Variants in CABIN1 observed in about 807,000 individuals in gnomAD.
CABIN1 encodes the protein calcineurin binding protein 1, also known as calcineurin-binding protein cabin-1.
Under a neutral mutation model 227.7 loss-of-function variants are expected in CABIN1, and 133 were observed. The ratio of observed to expected loss-of-function variants is 0.58; its 90% CI spans 0.51 to 0.67. The LOEUF is 0.67. CABIN1 is among the 30% of genes least tolerant of loss of function. The pLI is 0.00. For missense variants in CABIN1, 2,408 were observed against 2,852.5 expected, an observed-to-expected ratio of 0.84 and a Z score of 3.55; for synonymous variants, 1,086 against 1,155.1, an observed-to-expected ratio of 0.94 and a Z score of 1.21.
rs71226739 is a variant in CABIN1, at chr22:24,076,020, C to CAA, written c.2633-134_2633-133dup. ...TCAAGTCACTACTTATTTAAAAAGG[C>CAA]AAAAAAAAAAAAAAAAGGGAAAGGA... On this transcript the variant is annotated intron_variant, in intron 18 of 36. Transcript: ENST00000263119. 1.4e-3 allele frequency: 762 copies of CAA among 529,256 alleles called. 1 individual carries two copies. Among genetic ancestry groups the CAA allele is most frequent in the African/African-American group, 5.2e-3 (190 of 36,592 alleles). The allele number at this position is 529,256 out of a possible 1,614,324, so 32.8% of individuals were successfully genotyped here.
In CABIN1 at chr22:24,083,631, G is replaced by A. The variant is rs1005916230; in HGVS notation, c.2910+242G>A. Among the ~76,000 whole-genome samples the A allele has an allele frequency of 7.2e-5, 11 of 152,322 alleles. No homozygotes were observed. The East Asian group carries it at 2.1e-3, about 29-fold the overall frequency. On this transcript the variant is annotated intron_variant, in intron 20 of 36. Transcript: ENST00000263119. ...AATATGTAGAACCAGATATGGTGGT[G>A]CATACCTTTAGTTCTAGCTGCTCTG...
At chr22:24,048,377 A>G (rs2038058974) in intron 6 of CABIN1, among the ~76,000 whole-genome samples, 1 of 152,098 alleles carries the variant, frequency 6.6e-6, no homozygotes, top group African/African-American at 2.4e-5. Flanking sequence ...GGAATTGGAC[A>G]TACTTTATTT....
intron 18 of CABIN1, among the ~76,000 whole-genome samples, chr22:24,074,692 C>T (rs925376589): frequency 1.3e-5 from 2 of 152,174 alleles, no homozygotes; most frequent in Non-Finnish European, 2.9e-5. Flanking sequence ...ATACTGAATT[C>T]TCTGGAAGCA....
chr22:24,062,038 A>G lies in CABIN1; in HGVS notation c.1696+13A>G. On this transcript the variant is annotated intron_variant, in intron 13 of 36. Coordinates refer to ENST00000263119, the MANE Select transcript of CABIN1 (RefSeq NM_012295.4). ...AGAAGCTCTGCAGGTAGGAGGCATTATGTGTTCTGTGGCCAGGCTAATATC... is the reference window on the plus strand; with the variant it reads ...AGAAGCTCTGCAGGTAGGAGGCATTGTGTGTTCTGTGGCCAGGCTAATATC... 1 of 1,609,046 alleles carries G rather than the reference A, an allele frequency of 6.2e-7. No individual in the cohort carries two copies. The highest frequency in any genetic ancestry group is 8.5e-7 in the Non-Finnish European group (1 of 1,175,942).
Position 24,177,429 on chromosome 22 carries a change from C to A in CABIN1, c.6206-75C>A. On this transcript the variant is annotated intron_variant, in intron 35 of 36. Transcript: ENST00000263119. The surrounding 1 kb of genome is among the most constrained non-coding windows in gnomAD (Gnocchi z 4.4). ...ATAAAGGCCCAGGACCTGGGGGGAGCGGGTGGGGGCGAGATAAAGTGCTCA... is the reference window on the plus strand; with the variant it reads ...ATAAAGGCCCAGGACCTGGGGGGAGAGGGTGGGGGCGAGATAAAGTGCTCA... The A allele has an allele frequency of 1.6e-6, 2 of 1,272,784 alleles. No individual in the cohort carries two copies. The highest frequency in any genetic ancestry group is 1.5e-5 in the African/African-American group (1 of 67,088). The allele number at this position is 1,272,784 out of a possible 1,614,324, so 78.8% of individuals were successfully genotyped here. A position where few individuals can be genotyped will look rare whatever the true frequency, so the allele number is the denominator to read the frequency against.
chr22:24,076,141 T>C, intron 18 of CABIN1, 28 bp from the exon 19 acceptor site: 1 of 1,578,380 alleles, frequency 6.3e-7, no homozygotes, highest in Non-Finnish European at 8.7e-7. Flanking sequence ...ACACTAACTC[T>C]GTGTCTGTCG....
chr22:24,052,228 G>C (rs1405125516), intron 8 of CABIN1, among the ~76,000 whole-genome samples: 1 of 152,174 alleles, frequency 6.6e-6, no homozygotes, highest in Non-Finnish European at 1.5e-5. Flanking sequence ...GGAGGGCTAA[G>C]TAGAAGCAGG....
At chr22:24,100,660 C>T (rs1046529762) in intron 26 of CABIN1, among the ~76,000 whole-genome samples, 2 of 152,146 alleles carry the variant, frequency 1.3e-5, no homozygotes, top group South Asian at 2.1e-4. Context: ...TGCTTCTAGC[C>T]CTGGTACAGC....
chr22:24,155,963 G>GCCGCGCCTGCC (rs2045763697), intron 29 of CABIN1: 2 of 525,054 alleles, frequency 3.8e-6, no homozygotes, highest in African/African-American at 4.1e-5. Context: ...GCCCCGTCCG[G>GCCGCGCCTGCC]CCGCGCCTGC....
chr22:24,118,924 GGCAGTGGGCTGA>G (rs2043238034), intron 27 of CABIN1, among the ~76,000 whole-genome samples: 1 of 152,252 alleles, frequency 6.6e-6, no homozygotes, highest in South Asian at 2.1e-4. Context: ...AGTTGGGGCA[GGCAGTGGGCTGA>G]GCACTGAGCA....
intron 33 of CABIN1, among the ~76,000 whole-genome samples, 196 bp downstream of exon 33, chr22:24,168,717 C>A (rs1268331082): frequency 6.6e-6 from 1 of 152,240 alleles, no homozygotes; most frequent in Non-Finnish European, 1.5e-5. Flanking sequence ...GCCCAGACCC[C>A]AGTTCAGACA....
intron 28 of CABIN1, among the ~76,000 whole-genome samples, chr22:24,129,401 G>T (rs1232679793): frequency 6.6e-6 from 1 of 152,246 alleles, no homozygotes; most frequent in African/African-American, 2.4e-5. Flanking sequence ...ATGGACTGTT[G>T]CTTAGCTGGC....
At chr22:24,109,100 TAATTA>T (rs1163980379) in intron 26 of CABIN1, among the ~76,000 whole-genome samples, 1 of 152,154 alleles carries the variant, frequency 6.6e-6, no homozygotes, top group Non-Finnish European at 1.5e-5. Flanking sequence ...GAAGTATAAA[TAATTA>T]TGGCATTTAC....
chr22:24,136,369 T>C (rs1030501128), intron 29 of CABIN1, among the ~76,000 whole-genome samples: 1 of 147,616 alleles, frequency 6.8e-6, no homozygotes, highest in African/African-American at 2.5e-5. Context: ...TTTTTTTTTT[T>C]TGAGACAGAG....
intron 29 of CABIN1, among the ~76,000 whole-genome samples, chr22:24,139,663 A>G (rs9612557): frequency 0.93 from 141,505 of 152,274 alleles, 65,871 homozygotes; most frequent in East Asian, 0.97. Context: ...AGGTCAGGTC[A>G]TTTTGCTCTC....
At chr22:24,026,544 AT>A (rs1176754669) in intron 1 of CABIN1, among the ~76,000 whole-genome samples, 3 of 151,768 alleles carry the variant, frequency 2.0e-5, no homozygotes, top group Non-Finnish European at 4.4e-5. Flanking sequence ...ATTTTGAGTT[AT>A]TTTTTGTATT....
chr22:24,052,470 CT>C (rs782205115), intron 8 of CABIN1, among the ~76,000 whole-genome samples: 4 of 146,624 alleles, frequency 2.7e-5, no homozygotes, highest in South Asian at 2.1e-4. Flanking sequence ...CTTTTTCTTT[CT>C]TTTTTTTTTT....
At chr22:24,083,188 A>G in intron 19 of CABIN1, 40 bp from the exon 20 acceptor site, 3 of 1,607,238 alleles carry the variant, frequency 1.9e-6, no homozygotes, top group Non-Finnish European at 2.6e-6. Context: ...GGCAGTGGCT[A>G]CAGGCCCTCA....
chr22:24,053,701 T>G (rs1424478342), intron 8 of CABIN1, among the ~76,000 whole-genome samples: 3 of 152,246 alleles, frequency 2.0e-5, no homozygotes, highest in Non-Finnish European at 4.4e-5. Flanking sequence ...CTTTTATTCC[T>G]TTCTCAACAC....
Sources: allele counts gnomAD v4.1 joint callset (sites outside exome capture counted in the v4.1 genomes callset), GRCh38; gene constraint gnomAD v4.1.1; non-coding constraint Gnocchi (gnomAD v3.1); transcripts MANE v1.5; gene names NCBI Gene and HGNC (gene_info 2026-07-23, HGNC 2026-07-21).